GPC3: variants seen among roughly 807,000 people sequenced by gnomAD.
GPC3 encodes glypican 3.
In GPC3, 3 loss-of-function variants were observed where a neutral mutation model predicts 34.4. The ratio of observed to expected loss-of-function variants is 0.09; its 90% CI spans 0.04 to 0.23. The LOEUF (loss-of-function observed/expected upper bound fraction) is 0.23. GPC3 is among the 10% of genes least tolerant of loss of function. GPC3 has a pLI of 1.00. For synonymous variants in GPC3, 177 were observed against 174.0 expected, an observed-to-expected ratio of 1.02 and a Z score of -0.13; for missense variants, 351 against 445.6, an observed-to-expected ratio of 0.79 and a Z score of 1.91.
chrX:133,572,968 G>T (rs1038109648), intron 7 of GPC3, among the ~76,000 whole-genome samples: 1 of 111,375 alleles, frequency 9.0e-6, no homozygotes, highest in Non-Finnish European at 1.9e-5. Context: ...GAAAACTACA[G>T]ACCAATATAT....
At chrX:133,890,490 G>T (rs2076081645) in intron 2 of GPC3, among the ~76,000 whole-genome samples, 1 of 110,794 alleles carries the variant, frequency 9.0e-6, no homozygotes, top group Non-Finnish European at 1.9e-5. Flanking sequence ...GGCCAAGGCA[G>T]GAGGATCCCT....
At chrX:133,623,068 C>A (rs760400795) in intron 6 of GPC3, among the ~76,000 whole-genome samples, 7 of 111,826 alleles carry the variant, frequency 6.3e-5, no homozygotes, top group Non-Finnish European at 1.1e-4. Flanking sequence ...TAAGCTTCAT[C>A]AGTGAATGAG....
At chrX:133,746,398 C>T (rs188088859) in intron 3 of GPC3, among the ~76,000 whole-genome samples, 17 of 112,443 alleles carry the variant, frequency 1.5e-4, no homozygotes. Context: ...CATCTAATTT[C>T]TTAATATGAC....
chrX:133,783,843 T>C lies in GPC3; in HGVS notation c.338-29667A>G, dbSNP rs2072074894. 3.6e-5 allele frequency among the ~76,000 whole-genome samples: 4 copies of C among 112,288 alleles called. No individual in the cohort carries two copies. In the South Asian group the frequency reaches 1.1e-3, roughly 32 times the overall value. ...AAAACTAAGTTTTATAAATACCTTC[T>C]GGCCATTGTTTTAAAAGGAGAAAAC... On this transcript the variant is annotated intron_variant, in intron 2 of 7. Coordinates refer to ENST00000370818, the MANE Select transcript of GPC3 (RefSeq NM_004484.4).
At chrX:133,806,362 T>G (rs1212805737) in intron 2 of GPC3, among the ~76,000 whole-genome samples, 1 of 111,705 alleles carries the variant, frequency 9.0e-6, no homozygotes, top group African/African-American at 3.3e-5. Context: ...GGGCCTATCT[T>G]GGGAGTGAAG....
chrX:133,692,219 A>G (rs1375332018), intron 5 of GPC3, 150 bp downstream of exon 5: 3 of 585,718 alleles, frequency 5.1e-6, no homozygotes, highest in African/African-American at 2.3e-5. Context: ...TGCTGGGATT[A>G]CAGGCATGAG....
At chrX:133,641,107 T>G (rs2070476361) in intron 6 of GPC3, among the ~76,000 whole-genome samples, 1 of 110,112 alleles carries the variant, frequency 9.1e-6, no homozygotes. Context: ...AAAACTCCAT[T>G]GAATAGGTGT....
chrX:133,612,089 CA>C (rs1287925683), intron 6 of GPC3, among the ~76,000 whole-genome samples: 1 of 111,816 alleles, frequency 8.9e-6, no homozygotes, highest in Non-Finnish European at 1.9e-5. Context: ...TAATATAAAA[CA>C]TGGAGGGCCA....
chrX:133,848,221 G>GT (rs1182200181), intron 2 of GPC3, among the ~76,000 whole-genome samples: 1 of 112,031 alleles, frequency 8.9e-6, no homozygotes, highest in Non-Finnish European at 1.9e-5. Flanking sequence ...ACACTTTATG[G>GT]TTACTGACTC....
intron 2 of GPC3, among the ~76,000 whole-genome samples, chrX:133,792,680 C>A (rs965044307): frequency 9.0e-6 from 1 of 111,681 alleles, no homozygotes; most frequent in Non-Finnish European, 1.9e-5. Flanking sequence ...AAAGGGGAAT[C>A]CAAGTTCTGG....
intron 2 of GPC3, among the ~76,000 whole-genome samples, chrX:133,764,903 G>C (rs1461328602): frequency 9.0e-6 from 1 of 111,358 alleles, no homozygotes; most frequent in East Asian, 2.8e-4. Flanking sequence ...CTAATTCTTG[G>C]TTGATTGGAA....
At chrX:133,696,900 C>T (rs2071123794) in intron 4 of GPC3, among the ~76,000 whole-genome samples, 1 of 112,527 alleles carries the variant, frequency 8.9e-6, no homozygotes, top group South Asian at 3.7e-4. Flanking sequence ...GAAAAAGTCT[C>T]TTCATAGAGG....
At chrX:133,605,352 CAGGGCTGTTGAAAT>C (rs1275570397) in intron 6 of GPC3, among the ~76,000 whole-genome samples, 1 of 111,545 alleles carries the variant, frequency 9.0e-6, no homozygotes, top group Non-Finnish European at 1.9e-5. Context: ...ATTATCTTCA[CAGGGCTGTTGAAAT>C]ATTAAATAAA....
intron 5 of GPC3, among the ~76,000 whole-genome samples, chrX:133,676,737 T>C (rs1407116765): frequency 8.9e-6 from 1 of 112,122 alleles, no homozygotes; most frequent in Non-Finnish European, 1.9e-5. Context: ...AAAGTGATTG[T>C]AAAGCACTTG....
intron 6 of GPC3, among the ~76,000 whole-genome samples, chrX:133,640,253 A>G (rs1230167808): frequency 8.9e-6 from 1 of 111,885 alleles, no homozygotes; most frequent in Non-Finnish European, 1.9e-5. Context: ...GCAAGTTATT[A>G]TCATGACTAA....
chrX:133,753,529 C>A lies in GPC3; in HGVS notation c.985G>T (p.Asp329Tyr). ...TTCTTCTGGACATACTGGATAGAAT[C>A]ATGGATTGTTGAAAAGAGACCAAGC... ...VLLGLFSTIHDSIQYVQKNAG... is the reference protein window; with the variant it reads ...VLLGLFSTIHYSIQYVQKNAG... The change falls in exon 3 of 8, where the codon GAT becomes TAT. Residue 329 changes from aspartate to tyrosine, a missense_variant. Physicochemically the swap from Asp to Tyr is radical, Grantham distance 160. Coordinates refer to ENST00000370818, the MANE Select transcript of GPC3 (RefSeq NM_004484.4). 1 of 1,210,776 alleles carries A rather than the reference C, an allele frequency of 8.3e-7. No homozygotes were observed. Among genetic ancestry groups the A allele is most frequent in the African/African-American group, 1.7e-5 (1 of 57,739 alleles).
At chrX:133,843,500 G>A (rs1263130163) in intron 2 of GPC3, among the ~76,000 whole-genome samples, 3 of 111,414 alleles carry the variant, frequency 2.7e-5, no homozygotes, top group African/African-American at 9.8e-5. Context: ...CACGCTTCCT[G>A]TACAGCCAGT....
intron 6 of GPC3, among the ~76,000 whole-genome samples, chrX:133,628,529 G>A (rs1165735777): frequency 1.8e-5 from 2 of 109,812 alleles, no homozygotes; most frequent in Non-Finnish European, 3.8e-5. Flanking sequence ...GGTGGCACAC[G>A]CCTGTAACCC....
intron 2 of GPC3, among the ~76,000 whole-genome samples, chrX:133,922,253 G>A (rs185876278): frequency 1.2e-4 from 13 of 112,008 alleles, no homozygotes; most frequent in Non-Finnish European, 2.3e-4. Flanking sequence ...CTGGTCCTAC[G>A]CCTTTCCCAC....
Sources: gnomAD v4.1 joint callset for allele counts (sites outside exome capture counted in the v4.1 genomes callset) on GRCh38, gnomAD v4.1.1 for gene constraint, MANE v1.5 for transcripts, NCBI Gene and HGNC (gene_info 2026-07-23, HGNC 2026-07-21) for gene names.